RBFOX2: variants seen among roughly 807,000 people sequenced by gnomAD.
The protein encoded by RBFOX2 is RNA binding fox-1 homolog 2, also known as RNA binding protein fox-1 homolog 2.
In RBFOX2, 10 loss-of-function variants were observed where a neutral mutation model predicts 49.1. The observed-to-expected ratio is 0.20, with a 90% CI of 0.13 to 0.35. The LOEUF is 0.35. Ranked by LOEUF, RBFOX2 falls within the 10% of genes least tolerant of loss-of-function variation. The pLI is 1.00. For missense variants in RBFOX2, 323 were observed against 486.9 expected (o/e 0.66, Z 3.17); for synonymous variants, 183 against 187.4 (o/e 0.98, Z 0.19).
At chr22:35,865,842 A>C (rs1569422131) in intron 1 of RBFOX2, among the ~76,000 whole-genome samples, 1 of 152,242 alleles carries the variant, frequency 6.6e-6, no homozygotes, top group African/African-American at 2.4e-5. Flanking sequence ...GTTTCAGATA[A>C]AGGACTGTTG....
intron 1 of RBFOX2, among the ~76,000 whole-genome samples, chr22:35,879,044 T>A (rs879638336): frequency 1.3e-5 from 2 of 152,242 alleles, no homozygotes; most frequent in African/African-American, 4.8e-5. Context: ...GGCCTGTTTT[T>A]ATAATATTTA....
chr22:35,873,327 T>C (rs1489001601), intron 1 of RBFOX2, among the ~76,000 whole-genome samples: 1 of 151,656 alleles, frequency 6.6e-6, no homozygotes, highest in East Asian at 2.0e-4. Flanking sequence ...AAACGGGGTC[T>C]CGTCATGTTG....
At chr22:35,810,188 G>GACACACACAC (rs58254412) in intron 1 of RBFOX2, among the ~76,000 whole-genome samples, 184 bp from the exon 3 acceptor site, 291 of 142,696 alleles carry the variant, frequency 2.0e-3, no homozygotes, top group Middle Eastern at 7.1e-3. Flanking sequence ...TATGTGGACA[G>GACACACACAC]ACACACACAC....
At chr22:35,753,395 T>C (rs1341911383) in intron 9 of RBFOX2, among the ~76,000 whole-genome samples, 1 of 152,224 alleles carries the variant, frequency 6.6e-6, no homozygotes, top group Non-Finnish European at 1.5e-5. Context: ...CCTAACTCAG[T>C]AGTTACCTCA....
exon 1 of RBFOX2, chr22:36,028,328 G>A (rs767179827): frequency 3.3e-6 from 5 of 1,503,706 alleles, no homozygotes; most frequent in Non-Finnish European, 4.4e-6. Flanking sequence ...TCCCGCTCCG[G>A]GCACCGGCAG....
intron 1 of RBFOX2, among the ~76,000 whole-genome samples, chr22:35,986,204 C>T (rs1283368090): frequency 1.3e-5 from 2 of 152,132 alleles, no homozygotes. Flanking sequence ...CACACAGACA[C>T]AGACACCCCA....
chr22:36,013,845 G>C (rs767057522), intron 1 of RBFOX2, among the ~76,000 whole-genome samples: 20 of 152,046 alleles, frequency 1.3e-4, no homozygotes, highest in Admixed American at 1.0e-3. Flanking sequence ...TTTGGTAAAG[G>C]GGATAGGGAC....
chr22:35,873,874 T>G (rs1488629968), intron 1 of RBFOX2, among the ~76,000 whole-genome samples: 1 of 151,970 alleles, frequency 6.6e-6, no homozygotes, highest in Non-Finnish European at 1.5e-5. Context: ...AGAAGCAAGG[T>G]TTCTCCATAT....
chr22:35,742,333 G>A (rs1019183732), exon 12 of RBFOX2: 1 of 152,478 alleles, frequency 6.6e-6, no homozygotes, highest in South Asian at 2.1e-4. Flanking sequence ...ATTCTGAAGG[G>A]GGAAAGGATA....
chr22:35,900,348 G>A (rs931630224), intron 1 of RBFOX2, among the ~76,000 whole-genome samples: 1 of 151,966 alleles, frequency 6.6e-6, no homozygotes, highest in African/African-American at 2.4e-5. Context: ...TGTTTTATAC[G>A]AGTTTCTCTG....
chr22:35,796,935 G>A (rs1948889642), intron 2 of RBFOX2, among the ~76,000 whole-genome samples: 1 of 152,074 alleles, frequency 6.6e-6, no homozygotes, highest in African/African-American at 2.4e-5. Flanking sequence ...AAAAAATAGT[G>A]TCAGTTTCTT....
At chr22:35,838,349 G>GA (rs1435999664) in intron 1 of RBFOX2, among the ~76,000 whole-genome samples, 2 of 151,162 alleles carry the variant, frequency 1.3e-5, no homozygotes, top group South Asian at 2.1e-4. Context: ...AATAAACACA[G>GA]AAATAGTCCA....
intron 1 of RBFOX2, among the ~76,000 whole-genome samples, chr22:35,970,672 CAAG>C (rs1569515425): frequency 2.6e-5 from 4 of 151,964 alleles, no homozygotes; most frequent in African/African-American, 7.2e-5. Flanking sequence ...TCTAAAAAAA[CAAG>C]AAGAAGAAAT....
chr22:36,001,184 TACACACACACACAC>T (rs57905429), intron 1 of RBFOX2, among the ~76,000 whole-genome samples: 390 of 133,676 alleles, frequency 2.9e-3, no homozygotes, highest in Middle Eastern at 7.1e-3. Context: ...CCCCAAAACA[TACACACACACACAC>T]ACACACACAC....
chr22:35,785,293 C>T (rs553436343), intron 2 of RBFOX2, among the ~76,000 whole-genome samples: 6 of 152,174 alleles, frequency 3.9e-5, no homozygotes, highest in African/African-American at 1.2e-4. Flanking sequence ...AGGTGTGACA[C>T]ATTCTAGGCA....
intron 1 of RBFOX2, among the ~76,000 whole-genome samples, chr22:35,989,062 T>C (rs1235382091): frequency 6.6e-6 from 1 of 152,156 alleles, no homozygotes; most frequent in Non-Finnish European, 1.5e-5. Context: ...CAGTTTTAGA[T>C]GTTGTGTTTG....
intron 1 of RBFOX2, among the ~76,000 whole-genome samples, chr22:35,895,014 C>A (rs375644120): frequency 4.6e-5 from 7 of 151,852 alleles, no homozygotes; most frequent in Admixed American, 1.3e-4. Flanking sequence ...TCTCCTCCCC[C>A]CTCCGCTCCA....
chr22:35,966,113 T>C (rs139044028), upstream of RBFOX2, among the ~76,000 whole-genome samples: 3 of 152,370 alleles, frequency 2.0e-5, no homozygotes, highest in Non-Finnish European at 4.4e-5. Flanking sequence ...TTGAAGTTTG[T>C]ATTAATGGAA....
chr22:35,861,396 C>A (rs1327114842), intron 1 of RBFOX2, among the ~76,000 whole-genome samples: 1 of 152,178 alleles, frequency 6.6e-6, no homozygotes, highest in East Asian at 1.9e-4. Context: ...GCAAAGTATA[C>A]ACCTGATAAA....
Sources: allele counts gnomAD v4.1 joint callset (sites outside exome capture counted in the v4.1 genomes callset), GRCh38; gene constraint gnomAD v4.1.1; transcripts MANE v1.5; gene names NCBI Gene and HGNC (gene_info 2026-07-23, HGNC 2026-07-21).